The following PRSS12 variants were observed in gnomAD, a reference collection of about 807,000 sequenced individuals.
The protein encoded by PRSS12 is neurotrypsin.
A neutral mutation model predicts 104.4 loss-of-function variants in PRSS12; 85 were observed. That is an observed-to-expected ratio of 0.81 (90% CI 0.68 to 0.98). PRSS12 has a LOEUF of 0.98. Among genes scored for constraint, PRSS12 ranks in the 50% least tolerant of loss-of-function variants. The pLI is 0.00. For missense variants in PRSS12, 1,141 were observed against 1,139.2 expected, an observed-to-expected ratio of 1.00 and a Z score of -0.02; for synonymous variants, 454 against 425.2, an observed-to-expected ratio of 1.07 and a Z score of -0.83.
chr4:118,350,407 C>A (rs997229370), intron 1 of PRSS12, among the ~76,000 whole-genome samples: 3 of 152,156 alleles, frequency 2.0e-5, no homozygotes, highest in Non-Finnish European at 4.4e-5. Flanking sequence ...ATAGGTTATG[C>A]CCAAGCAGAC....
intron 11 of PRSS12, among the ~76,000 whole-genome samples, chr4:118,291,647 T>C (rs879278472): frequency 1.3e-5 from 2 of 152,076 alleles, no homozygotes; most frequent in Non-Finnish European, 2.9e-5. Flanking sequence ...CACACAGAAC[T>C]GAGCACAGTT....
intron 10 of PRSS12, 102 bp from the exon 11 acceptor site, chr4:118,295,163 G>A (rs1356431947): frequency 1.4e-6 from 2 of 1,452,444 alleles, no homozygotes; most frequent in Non-Finnish European, 1.9e-6. Context: ...TGCCTTGCAG[G>A]TGGGGGAAAA....
In PRSS12 at chr4:118,318,541, T is replaced by TGATTTGGCAATGCCAC; in HGVS notation, c.986_987insGTGGCATTGCCAAATC (p.Gln332CysfsTer20). ...CTTCCCCAAAATATGCCTGATGCCA[T>TGATTTGGCAATGCCAC]GCTTTGGCAATGCCACTGAACAAAT... On this transcript the variant is annotated frameshift_variant, in exon 5 of 13. Transcript: ENST00000296498. LOFTEE classifies it high-confidence loss of function. 1 of 1,614,092 alleles carries TGATTTGGCAATGCCAC rather than the reference T, an allele frequency of 6.2e-7. No homozygotes were observed.
intron 3 of PRSS12, 48 bp from the exon 4 acceptor site, chr4:118,331,914 G>T: frequency 6.2e-7 from 1 of 1,608,036 alleles, no homozygotes; most frequent in Non-Finnish European, 8.5e-7. Flanking sequence ...CATTTACATT[G>T]ATTGATAAGA....
At chr4:118,313,824 T>C (rs748489453) in intron 6 of PRSS12, among the ~76,000 whole-genome samples, 1 of 152,194 alleles carries the variant, frequency 6.6e-6, no homozygotes, top group Non-Finnish European at 1.5e-5. Flanking sequence ...AAATAAAAAG[T>C]GTGGATTAGT....
intron 7 of PRSS12, among the ~76,000 whole-genome samples, chr4:118,310,524 T>C (rs1743681592): frequency 6.6e-6 from 1 of 152,204 alleles, no homozygotes; most frequent in African/African-American, 2.4e-5. Context: ...ACTATTAAGT[T>C]TGTGTTGTTA....
At position 118,322,756 on chromosome 4, in the gene PRSS12, C is replaced by T. The variant is rs573299667; in HGVS notation, c.972-4200G>A. ...CTGCTTGGAGTTGTGTGCCTGAGAC[C>T]TGTGGTTCCTTTTTACAGGGAAGAT... On this transcript the variant is annotated intron_variant, in intron 4 of 12. Coordinates refer to ENST00000296498, the MANE Select transcript of PRSS12 (RefSeq NM_003619.4). 6.6e-5 allele frequency among the ~76,000 whole-genome samples: 10 copies of T among 151,782 alleles called. No individual in the cohort carries two copies. The South Asian group carries it at 1.0e-3, about 16-fold the overall frequency.
intron 1 of PRSS12, among the ~76,000 whole-genome samples, chr4:118,348,210 T>C (rs973176112): frequency 6.6e-6 from 1 of 152,092 alleles, no homozygotes; most frequent in Non-Finnish European, 1.5e-5. Flanking sequence ...TCTCAAAAAA[T>C]AAAAATAAAA....
intron 6 of PRSS12, among the ~76,000 whole-genome samples, chr4:118,315,868 T>C (rs1355137180): frequency 1.3e-5 from 2 of 152,170 alleles, no homozygotes. Flanking sequence ...CCAATAGTAA[T>C]GACGTGTCAG....
chr4:118,316,837 A>AAAAAAAATAT (rs35698159), intron 5 of PRSS12, among the ~76,000 whole-genome samples: 27 of 99,192 alleles, frequency 2.7e-4, no homozygotes, highest in African/African-American at 7.3e-4. Context: ...AAAAAAAAAA[A>AAAAAAAATAT]ATATATATAT....
At chr4:118,340,306 C>T (rs767469087) in intron 1 of PRSS12, among the ~76,000 whole-genome samples, 2 of 152,140 alleles carry the variant, frequency 1.3e-5, no homozygotes, top group Non-Finnish European at 2.9e-5. Context: ...GTGCAGTGCT[C>T]ATCCAATTTT....
At chr4:118,313,537 G>A (rs936145481) in intron 6 of PRSS12, 140 bp from the exon 7 acceptor site, 54 of 875,292 alleles carry the variant, frequency 6.2e-5, no homozygotes, top group Admixed American at 1.0e-4. Flanking sequence ...CCTTGGGGAC[G>A]CAGTTTAGAG....
At chr4:118,333,132 TG>T (rs112090263) in intron 3 of PRSS12, among the ~76,000 whole-genome samples, 17 of 152,298 alleles carry the variant, frequency 1.1e-4, no homozygotes, top group African/African-American at 2.9e-4. Context: ...TCAGGCCACT[TG>T]AACATTATGA....
chr4:118,327,439 A>G (rs1723803260), intron 4 of PRSS12, among the ~76,000 whole-genome samples: 1 of 152,152 alleles, frequency 6.6e-6, no homozygotes, highest in African/African-American at 2.4e-5. Flanking sequence ...GGCGTGAGAC[A>G]CCATGCCTGG....
intron 5 of PRSS12, among the ~76,000 whole-genome samples, 157 bp from the exon 6 acceptor site, chr4:118,316,480 T>G (rs555552315): frequency 6.6e-6 from 1 of 152,316 alleles, no homozygotes; most frequent in African/African-American, 2.4e-5. Context: ...CCTCTGAGGT[T>G]ATCATGTTGT....
At chr4:118,291,892 G>A (rs1363679479) in intron 11 of PRSS12, among the ~76,000 whole-genome samples, 1 of 152,016 alleles carries the variant, frequency 6.6e-6, no homozygotes, top group Admixed American at 6.6e-5. Flanking sequence ...GGAACTAAAG[G>A]CAGCATTTTA....
At chr4:118,342,254 G>A (rs1023110014) in intron 1 of PRSS12, among the ~76,000 whole-genome samples, 2 of 152,192 alleles carry the variant, frequency 1.3e-5, no homozygotes, top group Non-Finnish European at 2.9e-5. Flanking sequence ...TTCTATTGCT[G>A]TACCTAACAA....
At chr4:118,344,309 A>T (rs978797834) in intron 1 of PRSS12, among the ~76,000 whole-genome samples, 2 of 152,214 alleles carry the variant, frequency 1.3e-5, no homozygotes, top group Non-Finnish European at 2.9e-5. Flanking sequence ...TTAAAAAATT[A>T]CAGTACCTGA....
intron 1 of PRSS12, among the ~76,000 whole-genome samples, chr4:118,349,473 T>C (rs541786711): frequency 1.3e-5 from 2 of 151,970 alleles, no homozygotes; most frequent in East Asian, 1.9e-4. Flanking sequence ...ATCATGTGCA[T>C]CAGGCCAAAC....
Sources: gnomAD v4.1 joint callset for allele counts (sites outside exome capture counted in the v4.1 genomes callset) on GRCh38, gnomAD v4.1.1 for gene constraint, MANE v1.5 for transcripts, NCBI Gene and HGNC (gene_info 2026-07-23, HGNC 2026-07-21) for gene names.